ZNF625: variants seen among roughly 807,000 people sequenced by gnomAD.
ZNF625 encodes zinc finger protein 625.
Under a neutral mutation model 11.1 loss-of-function variants are expected in ZNF625, and 8 were observed. That is an observed-to-expected ratio of 0.72 (90% CI 0.42 to 1.30). The LOEUF (loss-of-function observed/expected upper bound fraction) is 1.30. Ranked by LOEUF, ZNF625 falls within the 50% of genes most tolerant of loss-of-function variation. The pLI is 0.01. For missense variants in ZNF625, 349 were observed against 447.6 expected, an observed-to-expected ratio of 0.78 and a Z score of 1.99; for synonymous variants, 145 against 153.4, an observed-to-expected ratio of 0.95 and a Z score of 0.41.
chr19:12,152,050 GA>G (rs1302566059), intron 1 of ZNF625, among the ~76,000 whole-genome samples: 1 of 151,982 alleles, frequency 6.6e-6, no homozygotes, highest in Non-Finnish European at 1.5e-5. Context: ...GGCTAATAAG[GA>G]AATGAAACTC....
rs756781055 is a variant in ZNF625, at chr19:12,145,385, G to A, written c.1031C>T (p.Ser344Leu). The change falls in exon 4 of 4, where the codon TCG (serine) becomes TTG (leucine). Residue 344 changes from serine (S) to leucine (L), a missense_variant. Ser to Leu is a moderately radical substitution (Grantham distance 145). Transcript: ENST00000439556. ...KQCGKAFGCA[S>L]SVKIHERTHT... ...AGTCCTTTCATGGATTTTAACGCTC[G>A]AGGCACATCCAAAGGCTTTACCACA... The A allele has an allele frequency of 7.4e-6, 12 of 1,614,046 alleles. No homozygotes were observed. The highest frequency in any genetic ancestry group is 5.5e-5 in the South Asian group (5 of 91,074).
intron 1 of ZNF625, among the ~76,000 whole-genome samples, chr19:12,148,711 T>A (rs1197439938): frequency 6.7e-6 from 1 of 149,998 alleles, no homozygotes; most frequent in African/African-American, 2.4e-5. Flanking sequence ...AACCTCAGCC[T>A]CCCAGGTTCA....
intron 1 of ZNF625, 25 bp downstream of exon 1, chr19:12,156,531 G>C: frequency 7.0e-7 from 1 of 1,423,810 alleles, no homozygotes; most frequent in South Asian, 1.6e-5. Flanking sequence ...CCCCCGTCTC[G>C]GGACCCCCGG....
intron 3 of ZNF625, among the ~76,000 whole-genome samples, chr19:12,147,067 T>C (rs1300747393): frequency 2.0e-5 from 3 of 150,744 alleles, no homozygotes; most frequent in Non-Finnish European, 2.9e-5. Flanking sequence ...CCCGGGTTCA[T>C]GCCATTCTCC....
In ZNF625 at chr19:12,147,879, T is replaced by G; in HGVS notation, c.4-77A>C. 2.6e-6 allele frequency: 4 copies of G among 1,559,610 alleles called. No homozygotes were observed. The South Asian group carries it at 3.7e-5, about 14-fold the overall frequency. ...GTTCCTATACTCTATTCCTACAAAG[T>G]TTCCATGGTGCTATGGACTCCAAAC... On this transcript the variant is annotated intron_variant, in intron 1 of 3. Transcript: ENST00000439556.
intron 1 of ZNF625, among the ~76,000 whole-genome samples, chr19:12,152,675 T>C (rs1003690114): frequency 3.3e-5 from 5 of 151,946 alleles, no homozygotes; most frequent in Non-Finnish European, 7.4e-5. Context: ...ACCTCGTCTC[T>C]ACTAAAAATA....
chr19:12,146,970 A>AGTTTTTTTTTTTTTTTTTTTTTTTTTT (rs1976883987), intron 3 of ZNF625, among the ~76,000 whole-genome samples: 1 of 130,820 alleles, frequency 7.6e-6, no homozygotes, highest in Non-Finnish European at 1.6e-5. Flanking sequence ...GTTTTTAGAG[A>AGTTTTTTTTTTTTTTTTTTTTTTTTTT]TTTTTTTTTT....
intron 1 of ZNF625, among the ~76,000 whole-genome samples, chr19:12,153,409 G>C (rs946872401): frequency 6.6e-6 from 1 of 151,704 alleles, no homozygotes; most frequent in Non-Finnish European, 1.5e-5. Flanking sequence ...TGCACGGCTG[G>C]GTGCAGTAGT....
At chr19:12,156,362 G>T (rs570858242) in intron 1 of ZNF625, among the ~76,000 whole-genome samples, 194 bp downstream of exon 1, 1 of 152,322 alleles carries the variant, frequency 6.6e-6, no homozygotes, top group South Asian at 2.1e-4. Context: ...AGACGGGACA[G>T]GACGCCTGGG....
chr19:12,145,910 C>T lies in ZNF625; in HGVS notation c.506G>A (p.Gly169Glu). Reference protein sequence around the residue: ...GGKPYDCEECGKSFISRSSIR... With the variant: ...GGKPYDCEECEKSFISRSSIR... ...GCTTGAACGGGAAATAAAGCTTTTTCCACATTCCTCACAATCATAAGGTTT... is the reference window on the plus strand; with the variant it reads ...GCTTGAACGGGAAATAAAGCTTTTTTCACATTCCTCACAATCATAAGGTTT... Residue 169 changes from glycine to glutamate, a missense_variant, in exon 4 of 4, where the codon GGA becomes GAA. Physicochemically the swap from Gly to Glu is moderately conservative, Grantham distance 98 (BLOSUM62 -2). Coordinates refer to ENST00000439556, the MANE Select transcript of ZNF625 (RefSeq NM_145233.4). The T allele has an allele frequency of 6.2e-7, 1 of 1,614,146 alleles. No homozygotes were observed.
chr19:12,149,204 G>A (rs536360840), intron 1 of ZNF625, among the ~76,000 whole-genome samples: 6 of 145,784 alleles, frequency 4.1e-5, no homozygotes, highest in Non-Finnish European at 8.9e-5. Context: ...AGAATCACTT[G>A]AACAAGGGAG....
intron 1 of ZNF625, among the ~76,000 whole-genome samples, chr19:12,152,163 G>A (rs767781407): frequency 8.6e-5 from 13 of 151,852 alleles, no homozygotes; most frequent in Non-Finnish European, 1.8e-4. Flanking sequence ...TCATATACAC[G>A]TTACATGTAA....
chr19:12,146,007 A>C lies in ZNF625; in HGVS notation c.409T>G (p.Cys137Gly). 1 of 1,614,182 alleles carries C rather than the reference A, an allele frequency of 6.2e-7. No individual in the cohort carries two copies. Reference protein sequence around the residue: ...YQEYGQKPYKCTYCKKAFSDL... With the variant: ...YQEYGQKPYKGTYCKKAFSDL... The stretch of plus-strand genomic sequence containing the variant: ...CTGAAGGCTTTCTTACAGTATGTAC[A>C]TTTATATGGCTTCTGTCCATATTCC... Residue 137 changes from cysteine (C) to glycine (G), a missense_variant, in exon 4 of 4, where the codon TGT becomes GGT. Transcript: ENST00000439556.
Position 12,156,549 on chromosome 19 carries a change from C to T in ZNF625, c.3+7G>A, listed in dbSNP as rs1425590304. 9.1e-6 allele frequency: 13 copies of T among 1,428,618 alleles called. No homozygotes were observed. The highest frequency in any genetic ancestry group is 3.7e-6 in the Non-Finnish European group (4 of 1,089,188). The allele number at this position is 1,428,618 out of a possible 1,614,324, so 88.5% of individuals were successfully genotyped here. On this transcript the variant is annotated splice_region_variant and intron_variant, in intron 1 of 3. Transcript: ENST00000439556. Reference sequence around the variant, plus strand: ...CCGTCTCGGGACCCCCGGCCCCGCACACTCACCATTTCCCGGCTTCCAGGT... The same window carrying T: ...CCGTCTCGGGACCCCCGGCCCCGCATACTCACCATTTCCCGGCTTCCAGGT...
chr19:12,147,526 A>C (rs1303895370), intron 2 of ZNF625, 71 bp from the exon 3 acceptor site: 5 of 1,515,670 alleles, frequency 3.3e-6, no homozygotes. Flanking sequence ...TTCTAAGTTC[A>C]TGGTACACTG....
intron 1 of ZNF625, among the ~76,000 whole-genome samples, chr19:12,153,281 G>T (rs1976980554): frequency 6.6e-6 from 1 of 150,942 alleles, no homozygotes; most frequent in Non-Finnish European, 1.5e-5. Context: ...AACTTCGGGG[G>T]AGAAGTTGCA....
chr19:12,156,476 C>T, intron 1 of ZNF625, 80 bp downstream of exon 1: 2 of 1,257,454 alleles, frequency 1.6e-6, no homozygotes. Flanking sequence ...GCAGGAAGGC[C>T]TGGGTCCTGC....
Position 12,147,416 on chromosome 19 carries a change from T to C in ZNF625, c.170A>G (p.Lys57Arg). The change falls in exon 3 of 4, where the codon AAA (lysine) becomes AGA (arginine). Residue 57 changes from lysine to arginine, a missense_variant. Coordinates refer to ENST00000439556, the MANE Select transcript of ZNF625 (RefSeq NM_145233.4). ...WKDQKIEDEYKNPRRNLRGLM... is the reference protein window; with the variant it reads ...WKDQKIEDEYRNPRRNLRGLM... The stretch of plus-strand genomic sequence containing the variant: ...TTACCTTAGGTTTCTCCTGGGATTT[T>C]TGTACTCATCTTCAATTTTCTGATC... 3 of 1,538,710 alleles carry C rather than the reference T, an allele frequency of 1.9e-6. No homozygotes were observed. The highest frequency in any genetic ancestry group is 1.7e-6 in the Non-Finnish European group (2 of 1,146,214).
intron 3 of ZNF625, among the ~76,000 whole-genome samples, chr19:12,146,969 G>GTTTTTTTTTTTTTTTTTT (rs1568388597): frequency 7.9e-6 from 1 of 126,018 alleles, no homozygotes; most frequent in African/African-American, 3.4e-5. Flanking sequence ...TGTTTTTAGA[G>GTTTTTTTTTTTTTTTTTT]ATTTTTTTTT....
Sources: gnomAD v4.1 joint callset for allele counts (sites outside exome capture counted in the v4.1 genomes callset) on GRCh38, gnomAD v4.1.1 for gene constraint, MANE v1.5 for transcripts, NCBI Gene and HGNC (gene_info 2026-07-23, HGNC 2026-07-21) for gene names.